Variants in PDLIM5 observed in about 807,000 individuals in gnomAD.
PDLIM5 encodes the protein PDZ and LIM domain 5, also known as PDZ and LIM domain protein 5.
Under a neutral mutation model 64.2 loss-of-function variants are expected in PDLIM5, and 34 were observed. The observed-to-expected ratio is 0.53, with a 90% CI of 0.40 to 0.71. PDLIM5 has a LOEUF of 0.71. PDLIM5 is among the 30% of genes least tolerant of loss of function. PDLIM5 has a pLI of 0.00. For synonymous variants in PDLIM5, 253 were observed against 269.1 expected (o/e 0.94, Z 0.59); for missense variants, 683 against 733.6 (o/e 0.93, Z 0.80).
chr4:94,651,300 G>A (rs1425681763), intron 9 of PDLIM5, among the ~76,000 whole-genome samples: 1 of 152,138 alleles, frequency 6.6e-6, no homozygotes, highest in African/African-American at 2.4e-5. Flanking sequence ...AGATCTGAGA[G>A]GAGCAAGGGT....
At chr4:94,478,772 C>T (rs1031955368) in intron 2 of PDLIM5, among the ~76,000 whole-genome samples, 3 of 151,810 alleles carry the variant, frequency 2.0e-5, no homozygotes, top group Admixed American at 6.6e-5. Context: ...AATGGTAGGC[C>T]GCTTGCTGAA....
chr4:94,609,214 G>GA (rs945050677), intron 7 of PDLIM5, among the ~76,000 whole-genome samples: 17 of 152,040 alleles, frequency 1.1e-4, no homozygotes, highest in Non-Finnish European at 2.5e-4. Context: ...GGTGGCCATT[G>GA]AAAAAAGTGG....
At chr4:94,556,996 A>G (rs1169059373) in intron 3 of PDLIM5, among the ~76,000 whole-genome samples, 1 of 152,146 alleles carries the variant, frequency 6.6e-6, no homozygotes, top group African/African-American at 2.4e-5. Flanking sequence ...TGTGTCCTGA[A>G]TGGTATTGCC....
intron 1 of PDLIM5, among the ~76,000 whole-genome samples, 176 bp from the exon 2 acceptor site, chr4:94,455,071 T>C (rs1723208647): frequency 6.6e-6 from 1 of 152,204 alleles, no homozygotes; most frequent in Admixed American, 6.5e-5. Flanking sequence ...TTGCCATGAG[T>C]GTAGAAAATT....
At chr4:94,518,244 G>A (rs570917424) in intron 2 of PDLIM5, among the ~76,000 whole-genome samples, 4 of 152,220 alleles carry the variant, frequency 2.6e-5, no homozygotes, top group African/African-American at 9.6e-5. Flanking sequence ...AAAAATGAAA[G>A]CTCTATTGGT....
chr4:94,504,477 G>A (rs564879891), intron 2 of PDLIM5, among the ~76,000 whole-genome samples: 1 of 152,210 alleles, frequency 6.6e-6, no homozygotes, highest in East Asian at 1.9e-4. Context: ...AGTAGAGATG[G>A]GGTTTCGCCA....
chr4:94,665,512 A>AATT lies in PDLIM5; in HGVS notation c.*1445_*1446insATT. On this transcript the variant is annotated 3_prime_UTR_variant, in exon 13 of 13. Coordinates refer to ENST00000317968, the MANE Select transcript of PDLIM5 (RefSeq NM_006457.5). ...AAAAAAAAAAAAAAAAAAAAGAGAG[A>AATT]GAGAGAATAAATAGAAAAGAATGTG... 1.4e-6 allele frequency: 1 copy of AATT among 695,826 alleles called. No homozygotes were observed. Among genetic ancestry groups the AATT allele is most frequent in the Non-Finnish European group, 1.8e-6 (1 of 569,434 alleles). The allele number at this position is 695,826 out of a possible 1,614,324, so 43.1% of individuals were successfully genotyped here.
At chr4:94,652,274 A>T (rs1741899960) in intron 9 of PDLIM5, among the ~76,000 whole-genome samples, 1 of 152,200 alleles carries the variant, frequency 6.6e-6, no homozygotes, top group African/African-American at 2.4e-5. Context: ...TGAGCTAAAG[A>T]TGTGCCCTAG....
intron 2 of PDLIM5, among the ~76,000 whole-genome samples, chr4:94,472,915 T>C (rs1030540723): frequency 1.3e-5 from 2 of 152,126 alleles, no homozygotes; most frequent in Admixed American, 1.3e-4. Flanking sequence ...GATACAGCAG[T>C]GAATAAAACA....
intron 2 of PDLIM5, among the ~76,000 whole-genome samples, chr4:94,476,459 G>A (rs1464918067): frequency 6.6e-6 from 1 of 151,884 alleles, no homozygotes; most frequent in African/African-American, 2.4e-5. Context: ...AAACTGCATA[G>A]GAAACAATGA....
chr4:94,545,896 A>C (rs1732270107), intron 3 of PDLIM5, among the ~76,000 whole-genome samples: 1 of 152,142 alleles, frequency 6.6e-6, no homozygotes, highest in Non-Finnish European at 1.5e-5. Flanking sequence ...ATCATTGACA[A>C]CTGAGCAGCC....
Position 94,530,510 on chromosome 4 carries a change from A to AATAT in PDLIM5, c.248+6669_248+6672dup, listed in dbSNP as rs36209951. 3.1e-3 allele frequency among the ~76,000 whole-genome samples: 434 copies of AATAT among 140,446 alleles called. 4 individuals are homozygous for AATAT. The highest frequency in any genetic ancestry group is 0.013 in the South Asian group (56 of 4,436). 92.1% of individuals were successfully genotyped at this position (140,446 alleles called of 152,430 possible). On this transcript the variant is annotated intron_variant, in intron 3 of 12. Coordinates refer to ENST00000317968, the MANE Select transcript of PDLIM5 (RefSeq NM_006457.5). ...TAAATTAATCCTCTTGGAATCACAGAATATATATATATATATATATATATA... is the reference window on the plus strand; with the variant it reads ...TAAATTAATCCTCTTGGAATCACAGAATATATATATATATATATATATATATATA...
chr4:94,523,782 G>A lies in PDLIM5; in HGVS notation c.155G>A (p.Ser52Asn), dbSNP rs749144218. The change falls in exon 3 of 13, where the codon AGC (serine) becomes AAC (asparagine). Residue 52 changes from serine (S) to asparagine (N), a missense_variant. Ser to Asn is a conservative substitution (Grantham distance 46, BLOSUM62 1). Coordinates refer to ENST00000317968, the MANE Select transcript of PDLIM5 (RefSeq NM_006457.5). ...ANVRIGDVVLSIDGINAQGMT... is the reference protein window; with the variant it reads ...ANVRIGDVVLNIDGINAQGMT... Reference sequence around the variant, plus strand: ...GTAAGAATAGGCGATGTGGTTCTCAGCATTGATGGAATAAATGCACAAGGA... The same window carrying A: ...GTAAGAATAGGCGATGTGGTTCTCAACATTGATGGAATAAATGCACAAGGA... The A allele has an allele frequency of 4.3e-6, 7 of 1,612,572 alleles. No homozygotes were observed. The East Asian group carries it at 1.3e-4, about 31-fold the overall frequency.
At chr4:94,502,733 C>T (rs568520823) in intron 2 of PDLIM5, among the ~76,000 whole-genome samples, 24 of 152,010 alleles carry the variant, frequency 1.6e-4, no homozygotes, top group South Asian at 1.0e-3. Context: ...AAAAATTAGC[C>T]GGGCGGGGTG....
intron 2 of PDLIM5, among the ~76,000 whole-genome samples, chr4:94,493,003 G>T (rs1727007544): frequency 6.6e-6 from 1 of 152,036 alleles, no homozygotes; most frequent in East Asian, 1.9e-4. Flanking sequence ...GTGTATGAGG[G>T]CTGCACTTTC....
chr4:94,452,694 A>G (rs1345169912), intron 1 of PDLIM5, among the ~76,000 whole-genome samples: 3 of 152,176 alleles, frequency 2.0e-5, no homozygotes, highest in African/African-American at 7.2e-5. Context: ...GGGCGTGTGG[A>G]CAGGGCAGAG....
chr4:94,487,127 T>G (rs1183386004), intron 2 of PDLIM5, among the ~76,000 whole-genome samples: 2 of 152,250 alleles, frequency 1.3e-5, no homozygotes, highest in Non-Finnish European at 2.9e-5. Context: ...CTTTTATTTA[T>G]ACTTCTCTTA....
intron 5 of PDLIM5, among the ~76,000 whole-genome samples, chr4:94,581,718 C>T (rs887967421): frequency 1.3e-5 from 2 of 152,172 alleles, no homozygotes; most frequent in African/African-American, 2.4e-5. Context: ...AACATCATTG[C>T]AGAATTGAAT....
chr4:94,558,657 T>G lies in PDLIM5; in HGVS notation c.249-14694T>G, dbSNP rs534492423. On this transcript the variant is annotated intron_variant, in intron 3 of 12. Coordinates refer to ENST00000317968, the MANE Select transcript of PDLIM5 (RefSeq NM_006457.5). ...TTATATACTGAACCTTGAATTATAT[T>G]CAAGTATGACTAAGGATTATAATAC... 7.2e-5 allele frequency among the ~76,000 whole-genome samples: 11 copies of G among 152,288 alleles called. No homozygotes were observed. The South Asian group carries it at 1.9e-3, about 26-fold the overall frequency.
Sources: allele counts gnomAD v4.1 joint callset (sites outside exome capture counted in the v4.1 genomes callset), GRCh38; gene constraint gnomAD v4.1.1; transcripts MANE v1.5; gene names NCBI Gene and HGNC (gene_info 2026-07-23, HGNC 2026-07-21).